ZFHX3: variants seen among roughly 807,000 people sequenced by gnomAD.
ZFHX3 encodes zinc finger homeobox protein 3.
A neutral mutation model predicts 279.1 loss-of-function variants in ZFHX3; 42 were observed. The observed-to-expected ratio is 0.15, with a 90% CI of 0.12 to 0.19. The LOEUF (loss-of-function observed/expected upper bound fraction) is 0.19. ZFHX3 is among the 10% of genes least tolerant of loss of function. The probability of loss-of-function intolerance (pLI) is 1.00; values close to 1 mark genes in which losing one functional copy is unlikely to be tolerated. For missense variants in ZFHX3, 4,981 were observed against 4,754.0 expected (o/e 1.05, Z -1.40); for synonymous variants, 2,293 against 1,957.8 (o/e 1.17, Z -4.52).
chr16:73,507,466 G>C (rs553878543), intron 2 of ZFHX3, among the ~76,000 whole-genome samples: 5 of 146,798 alleles, frequency 3.4e-5, no homozygotes, highest in African/African-American at 1.3e-4. Flanking sequence ...CAGAAAATGC[G>C]TGAAATTCAG....
chr16:72,873,944 A>G (rs2038230951), intron 4 of ZFHX3, among the ~76,000 whole-genome samples: 1 of 152,128 alleles, frequency 6.6e-6, no homozygotes, highest in African/African-American at 2.4e-5. Flanking sequence ...TGATGTTTCT[A>G]ATTGCCTTCG....
Position 72,939,713 on chromosome 16 carries a change from C to A in ZFHX3, c.3216+10756G>T, listed in dbSNP as rs62053188. 8.9e-3 allele frequency among the ~76,000 whole-genome samples: 1,363 copies of A among 152,310 alleles called. 9 individuals are homozygous for A. Among genetic ancestry groups the A allele is most frequent in the Non-Finnish European group, 0.015 (1,024 of 68,018 alleles). Reference sequence around the variant, plus strand: ...GACCAGCCTGGCCAACACGGTGAAACCCTGTCTCTACTAAAAACACAAAAA... The same window carrying A: ...GACCAGCCTGGCCAACACGGTGAAAACCTGTCTCTACTAAAAACACAAAAA... On this transcript the variant is annotated intron_variant, in intron 3 of 9. Coordinates refer to ENST00000268489, the MANE Select transcript of ZFHX3 (RefSeq NM_006885.4).
In ZFHX3 at chr16:73,055,696, G is replaced by GCACA. The variant is rs200899475; in HGVS notation, c.-24+2833_-24+2834insTGTG. 0.017 allele frequency among the ~76,000 whole-genome samples: 1,647 copies of GCACA among 94,706 alleles called. 107 individuals are homozygous for GCACA. The East Asian group carries it at 0.19, about 11-fold the overall frequency. 62.1% of individuals were successfully genotyped at this position (94,706 alleles called of 152,430 possible). On this transcript the variant is annotated intron_variant, in intron 1 of 8. Coordinates refer to the ZFHX3 transcript ENST00000397992. ...CAGACGTACGCGCGCGCGCGCGCGC[G>GCACA]CGCACACACACACACACACACACAC...
chr16:72,861,918 G>A (rs1425084392), intron 4 of ZFHX3, among the ~76,000 whole-genome samples: 2 of 152,140 alleles, frequency 1.3e-5, no homozygotes, highest in African/African-American at 4.8e-5. Flanking sequence ...GGGAGGCTGA[G>A]GCACGAGAAT....
intron 2 of ZFHX3, chr16:73,608,835 C>T (rs1485537609): frequency 6.6e-6 from 1 of 152,128 alleles, no homozygotes; most frequent in East Asian, 1.9e-4. Flanking sequence ...AAAACAACAA[C>T]CTTTAAAACG....
At chr16:72,880,533 T>C (rs907762061) in intron 4 of ZFHX3, among the ~76,000 whole-genome samples, 1 of 152,164 alleles carries the variant, frequency 6.6e-6, no homozygotes, top group South Asian at 2.1e-4. Flanking sequence ...CTTGAACCTT[T>C]AGCGTCCAGA....
At chr16:73,034,265 G>A (rs1044251551) in intron 1 of ZFHX3, among the ~76,000 whole-genome samples, 2 of 152,004 alleles carry the variant, frequency 1.3e-5, no homozygotes, top group Admixed American at 1.3e-4. Context: ...TTTCCATTCC[G>A]CGGCATCAAG....
At chr16:73,072,082 A>G (rs1965832068) in intron 8 of ZFHX3, among the ~76,000 whole-genome samples, 1 of 152,180 alleles carries the variant, frequency 6.6e-6, no homozygotes, top group African/African-American at 2.4e-5. Flanking sequence ...AATCCCCAGC[A>G]CTCAGAAAGG....
intron 7 of ZFHX3, among the ~76,000 whole-genome samples, chr16:73,114,743 A>G (rs1966412622): frequency 6.6e-6 from 1 of 152,360 alleles, no homozygotes; most frequent in South Asian, 2.1e-4. Flanking sequence ...CAAGGAAATA[A>G]GTTTTGCCAC....
At chr16:72,929,419 G>T (rs1306197985) in intron 3 of ZFHX3, among the ~76,000 whole-genome samples, 2 of 152,146 alleles carry the variant, frequency 1.3e-5, no homozygotes, top group African/African-American at 2.4e-5. Flanking sequence ...AAAAAGCTCT[G>T]GGGGTGAAGT....
At chr16:73,617,855 C>A (rs979414125) in intron 2 of ZFHX3, among the ~76,000 whole-genome samples, 2 of 152,134 alleles carry the variant, frequency 1.3e-5, no homozygotes, top group African/African-American at 4.8e-5. Context: ...TTCAGAGCTA[C>A]CCAGATGCTA....
intron 2 of ZFHX3, among the ~76,000 whole-genome samples, chr16:73,671,004 A>G (rs2052898982): frequency 1.3e-5 from 2 of 152,342 alleles, no homozygotes; most frequent in East Asian, 1.9e-4. Context: ...TATTTAAGAA[A>G]CAGCTATGGG....
intron 1 of ZFHX3, among the ~76,000 whole-genome samples, chr16:73,751,532 T>C (rs1444138706): frequency 1.3e-5 from 2 of 152,186 alleles, no homozygotes; most frequent in Admixed American, 1.3e-4. Flanking sequence ...TGTTTATGTG[T>C]GTGTGTGTAT....
intron 5 of ZFHX3, among the ~76,000 whole-genome samples, chr16:73,146,569 G>A (rs1966864388): frequency 6.6e-6 from 1 of 152,128 alleles, no homozygotes; most frequent in African/African-American, 2.4e-5. Flanking sequence ...GAAATTGCAA[G>A]GTTATTCTCC....
At chr16:73,804,919 G>GGAGAGGGA (rs1960236153) in intron 1 of ZFHX3, among the ~76,000 whole-genome samples, 1 of 131,562 alleles carries the variant, frequency 7.6e-6, no homozygotes, top group South Asian at 3.0e-4. Context: ...GGGAGGGGAG[G>GGAGAGGGA]GAGAGGGAGG....
intron 3 of ZFHX3, among the ~76,000 whole-genome samples, chr16:73,331,303 T>C (rs530595286): frequency 5.9e-5 from 9 of 152,276 alleles, no homozygotes; most frequent in African/African-American, 1.7e-4. Flanking sequence ...GTGGGAATTA[T>C]GGGAACTACA....
Position 72,794,011 on chromosome 16 carries a change from A to G in ZFHX3, c.8671T>C (p.Ser2891Pro). 1 of 1,614,214 alleles carries G rather than the reference A, an allele frequency of 6.2e-7. No individual in the cohort carries two copies. The highest frequency in any genetic ancestry group is 8.5e-7 in the Non-Finnish European group (1 of 1,180,040). Residue 2891 changes from serine to proline, a missense_variant, in exon 9 of 10, where the codon TCA (serine) becomes CCA (proline). Physicochemically the swap from Ser to Pro is moderately conservative, Grantham distance 74. Coordinates refer to ENST00000268489, the MANE Select transcript of ZFHX3 (RefSeq NM_006885.4). This position sits in a 1 kb window ranked among gnomAD's most constrained non-coding sequence, Gnocchi z 4.2. The part of the protein sequence containing the change: ...MAMSEYEDRL[S>P]SGLVSPAPSF... ...GGGGCCGGGCTGACCAGACCAGATG[A>G]CAACCGATCTTCATACTCAGACATT...
intron 2 of ZFHX3, among the ~76,000 whole-genome samples, chr16:73,492,994 T>C (rs1475881707): frequency 2.0e-5 from 3 of 152,192 alleles, no homozygotes; most frequent in African/African-American, 4.8e-5. Flanking sequence ...CATTTTATTA[T>C]ATATAACATA....
chr16:73,315,482 G>A (rs552938201), intron 4 of ZFHX3, among the ~76,000 whole-genome samples: 3 of 152,084 alleles, frequency 2.0e-5, no homozygotes, highest in South Asian at 2.1e-4. Context: ...CATTAATACC[G>A]GTATCTCTTT....
Sources: gnomAD v4.1 joint callset for allele counts (sites outside exome capture counted in the v4.1 genomes callset) on GRCh38, gnomAD v4.1.1 for gene constraint, Gnocchi (gnomAD v3.1) non-coding constraint, MANE v1.5 for transcripts, NCBI Gene and HGNC (gene_info 2026-07-23, HGNC 2026-07-21) for gene names.